Variants in COL19A1 observed in about 807,000 individuals in gnomAD.
COL19A1 encodes the protein collagen type XIX alpha 1 chain.
Under a neutral mutation model 190.2 loss-of-function variants are expected in COL19A1, and 159 were observed. The ratio of observed to expected loss-of-function variants is 0.84; its 90% CI spans 0.73 to 0.95. The LOEUF is 0.95. Among genes scored for constraint, COL19A1 ranks in the 40% least tolerant of loss-of-function variants. COL19A1 has a pLI of 0.00. For missense variants in COL19A1, 1,418 were observed against 1,431.9 expected, an observed-to-expected ratio of 0.99 and a Z score of 0.16; for synonymous variants, 509 against 458.9, an observed-to-expected ratio of 1.11 and a Z score of -1.39.
At chr6:70,117,237 C>T (rs1784631429) in intron 16 of COL19A1, among the ~76,000 whole-genome samples, 1 of 152,098 alleles carries the variant, frequency 6.6e-6, no homozygotes, top group Admixed American at 6.6e-5. Context: ...AAATATTGCT[C>T]TTTAGGCTAA....
At chr6:70,084,530 G>T (rs998552623) in intron 15 of COL19A1, among the ~76,000 whole-genome samples, 8 of 152,230 alleles carry the variant, frequency 5.3e-5, no homozygotes, top group Non-Finnish European at 8.8e-5. Context: ...AGGAAAATCA[G>T]TGTCGTCAGA....
intron 15 of COL19A1, among the ~76,000 whole-genome samples, chr6:70,080,107 C>T (rs553594127): frequency 1.2e-4 from 19 of 152,274 alleles, no homozygotes; most frequent in Admixed American, 9.8e-4. Flanking sequence ...GAAATAAAGG[C>T]TTATTGCATA....
rs1161684560 is a variant in COL19A1 at position 70,206,992 on chromosome 6, T to G, written c.3301+14T>G. The G allele has an allele frequency of 6.2e-7, 1 of 1,612,616 alleles. No homozygotes were observed. Among genetic ancestry groups the G allele is most frequent in the Admixed American group, 1.7e-5 (1 of 59,672 alleles). ...CTGGGACTTCAGGTAAGTGGGATAT[T>G]GTCTTCACAACACAAGCAAGCCTTT... On this transcript the variant is annotated intron_variant, in intron 50 of 50. Transcript: ENST00000620364.
chr6:69,875,514 T>A (rs1164329552), intron 1 of COL19A1, among the ~76,000 whole-genome samples: 1 of 152,182 alleles, frequency 6.6e-6, no homozygotes, highest in Non-Finnish European at 1.5e-5. Flanking sequence ...ACCAGGGTGA[T>A]CTGAACTGGG....
At chr6:69,931,847 A>AT (rs886369767) in intron 6 of COL19A1, among the ~76,000 whole-genome samples, 103 of 152,038 alleles carry the variant, frequency 6.8e-4, no homozygotes, top group African/African-American at 2.4e-3. Context: ...AAAGTTATAG[A>AT]TTTTTCCCCC....
intron 16 of COL19A1, among the ~76,000 whole-genome samples, chr6:70,106,623 C>T (rs1783987577): frequency 6.6e-6 from 1 of 152,120 alleles, no homozygotes; most frequent in Non-Finnish European, 1.5e-5. Context: ...AATCAGAGTG[C>T]TTGTCATTGA....
intron 4 of COL19A1, among the ~76,000 whole-genome samples, chr6:69,919,087 C>T (rs1771516618): frequency 6.6e-6 from 1 of 152,194 alleles, no homozygotes; most frequent in African/African-American, 2.4e-5. Context: ...TAAGGTGACA[C>T]ATTTGCTGCC....
intron 42 of COL19A1, among the ~76,000 whole-genome samples, chr6:70,177,961 T>C (rs1455954379): frequency 4.6e-5 from 7 of 152,172 alleles, no homozygotes; most frequent in Non-Finnish European, 8.8e-5. Flanking sequence ...CCACAGGCAA[T>C]CCAAATGAGA....
intron 11 of COL19A1, among the ~76,000 whole-genome samples, chr6:69,993,138 C>A (rs1291205693): frequency 6.6e-6 from 1 of 151,866 alleles, no homozygotes; most frequent in Non-Finnish European, 1.5e-5. Context: ...TCCTTAAATG[C>A]CTAGTTTGTT....
At chr6:69,949,279 A>G (rs1773991204) in intron 9 of COL19A1, among the ~76,000 whole-genome samples, 1 of 151,696 alleles carries the variant, frequency 6.6e-6, no homozygotes, top group South Asian at 2.1e-4. Flanking sequence ...TGAGTCTTTG[A>G]CCACTTTCTC....
chr6:70,172,399 C>T (rs1259772159), intron 41 of COL19A1, among the ~76,000 whole-genome samples: 1 of 151,720 alleles, frequency 6.6e-6, no homozygotes, highest in Non-Finnish European at 1.5e-5. Flanking sequence ...GAGTCTGAGA[C>T]ATAAGATTTC....
chr6:70,006,449 C>G (rs1466080972), intron 11 of COL19A1, among the ~76,000 whole-genome samples: 1 of 152,168 alleles, frequency 6.6e-6, no homozygotes, highest in Non-Finnish European at 1.5e-5. Context: ...CTCTTCCTTC[C>G]TCTCTATGGA....
intron 15 of COL19A1, among the ~76,000 whole-genome samples, chr6:70,087,334 C>A (rs1246750544): frequency 6.6e-6 from 1 of 152,094 alleles, no homozygotes; most frequent in African/African-American, 2.4e-5. Context: ...TCAGAGAAAG[C>A]CTTGCTGCCA....
chr6:70,098,368 T>G (rs1783414907), intron 15 of COL19A1: 2 of 498,888 alleles, frequency 4.0e-6, no homozygotes, highest in Non-Finnish European at 8.0e-6. Flanking sequence ...ACATTTATTG[T>G]GTGACTAATC....
rs115884457 is a variant in COL19A1, at chr6:70,154,528, A to C, written c.2080-1599A>C. On this transcript the variant is annotated intron_variant, in intron 31 of 50. Coordinates refer to ENST00000620364, the MANE Select transcript of COL19A1 (RefSeq NM_001858.6). ...TTGAGATGATTTGCCTCATGTATTC[A>C]TCAGGGTTCTCTAGAGGGACAGAAC... Among the ~76,000 whole-genome samples the C allele has an allele frequency of 7.9e-3, 1,207 of 152,250 alleles. 21 individuals carry two copies. The highest frequency in any genetic ancestry group is 0.027 in the African/African-American group (1,136 of 41,558).
intron 48 of COL19A1, among the ~76,000 whole-genome samples, chr6:70,196,866 A>G (rs1368217117): frequency 6.6e-6 from 1 of 152,168 alleles, no homozygotes; most frequent in African/African-American, 2.4e-5. Flanking sequence ...ATGCTCTGAA[A>G]CATATTATTG....
chr6:70,122,325 G>C (rs983247891), intron 17 of COL19A1, among the ~76,000 whole-genome samples: 6 of 152,026 alleles, frequency 3.9e-5, no homozygotes, highest in Non-Finnish European at 5.9e-5. Context: ...TAGGTGTTGC[G>C]CCAAAATCTC....
chr6:70,156,642 G>C (rs1413238604), intron 33 of COL19A1, 28 bp from the exon 34 acceptor site: 2 of 1,608,796 alleles, frequency 1.2e-6, no homozygotes, highest in South Asian at 1.1e-5. Context: ...ATGATTGCAT[G>C]TGCTAGCTGA....
intron 9 of COL19A1, among the ~76,000 whole-genome samples, chr6:69,943,653 C>T (rs753069168): frequency 4.3e-4 from 65 of 152,096 alleles, no homozygotes; most frequent in Non-Finnish European, 3.8e-4. Context: ...AACAAAAAGA[C>T]TGTCCTTTCC....
Sources: gnomAD v4.1 joint callset for allele counts (sites outside exome capture counted in the v4.1 genomes callset) on GRCh38, gnomAD v4.1.1 for gene constraint, MANE v1.5 for transcripts, NCBI Gene and HGNC (gene_info 2026-07-23, HGNC 2026-07-21) for gene names.